The following RAB40B variants were observed in gnomAD, a reference collection of about 807,000 sequenced individuals.
The protein encoded by RAB40B is RAB40B, member RAS oncogene family.
RAB40B carries 21 observed loss-of-function variants against 24.0 expected under a neutral mutation model. The observed-to-expected ratio is 0.88, with a 90% CI of 0.62 to 1.26. RAB40B has a LOEUF of 1.26. RAB40B is among the 50% of genes most tolerant of loss of function. RAB40B has a pLI of 0.00. For missense variants in RAB40B, 348 were observed against 390.5 expected (o/e 0.89, Z 0.92); for synonymous variants, 167 against 169.8 (o/e 0.98, Z 0.13).
chr17:82,664,374 G>A (rs537644764), intron 2 of RAB40B, 122 bp downstream of exon 2: 7 of 914,674 alleles, frequency 7.7e-6, no homozygotes, highest in South Asian at 1.5e-5. Flanking sequence ...TCCCGGGGGC[G>A]CTGTGCCGAT....
chr17:82,685,324 C>G (rs1342067054), intron 1 of RAB40B, among the ~76,000 whole-genome samples: 1 of 151,232 alleles, frequency 6.6e-6, no homozygotes, highest in Non-Finnish European at 1.5e-5. Flanking sequence ...AAAGAGACAG[C>G]ACACGCAGTG....
At position 82,692,726 on chromosome 17, in the gene RAB40B, C is replaced by A. The variant is rs184535770; in HGVS notation, c.142+5729G>T. On this transcript the variant is annotated intron_variant, in intron 1 of 5. Transcript: ENST00000571995. This position sits in a 1 kb window ranked among gnomAD's most constrained non-coding sequence, Gnocchi z 4.0. ...AACATTTTTTTTTTAAATCTGGGAG[C>A]AGCAAAGGTTTGTTCAACAGGACCC... Among the ~76,000 whole-genome samples, 6 of 152,156 alleles carry A rather than the reference C, an allele frequency of 3.9e-5. No individual in the cohort carries two copies. The highest frequency in any genetic ancestry group is 1.4e-4 in the African/African-American group (6 of 41,470).
rs138780192 is a variant in RAB40B, at chr17:82,696,113, G to GC, written c.142+2341dup. On this transcript the variant is annotated intron_variant, in intron 1 of 5. Transcript: ENST00000571995. Reference sequence around the variant, plus strand: ...TCGAACCCCTGACCTCAGGTGATCCGCCCGCCTTGGCCTCCCAAAGCCGGG... The same window carrying GC: ...TCGAACCCCTGACCTCAGGTGATCCGCCCCGCCTTGGCCTCCCAAAGCCGGG... Among the ~76,000 whole-genome samples, 316 of 152,152 alleles carry GC rather than the reference G, an allele frequency of 2.1e-3. 2 individuals carry two copies. The highest frequency in any genetic ancestry group is 7.2e-3 in the African/African-American group (299 of 41,516).
intron 4 of RAB40B, 87 bp downstream of exon 4, chr17:82,659,493 G>T: frequency 7.4e-7 from 1 of 1,353,410 alleles, no homozygotes; most frequent in South Asian, 1.2e-5. Context: ...GGGTACCCAT[G>T]AGCCCTGGAG....
chr17:82,687,270 A>G (rs1049513504), intron 1 of RAB40B, among the ~76,000 whole-genome samples: 1 of 152,198 alleles, frequency 6.6e-6, no homozygotes, highest in African/African-American at 2.4e-5. Flanking sequence ...AAAATTTCAT[A>G]CTCTTCATAC....
In RAB40B at chr17:82,663,308, G is replaced by A. The variant is rs1378196422; in HGVS notation, c.203+1188C>T. On this transcript the variant is annotated intron_variant, in intron 2 of 5. Transcript: ENST00000571995. This position sits in a 1 kb window ranked among gnomAD's most constrained non-coding sequence, Gnocchi z 6.2. The stretch of plus-strand genomic sequence containing the variant: ...TGCTGGAGGCACACGTGGCTCGGGG[G>A]TGGCCCAGCAGGCAGGAAGGGCCAG... Among the ~76,000 whole-genome samples, 1 of 152,120 alleles carries A rather than the reference G, an allele frequency of 6.6e-6. No homozygotes were observed. Among genetic ancestry groups the A allele is most frequent in the Non-Finnish European group, 1.5e-5 (1 of 67,982 alleles).
At chr17:82,662,870 C>G in intron 2 of RAB40B, 1 of 957,950 alleles carries the variant, frequency 1.0e-6, no homozygotes, top group Non-Finnish European at 1.2e-6. Flanking sequence ...CGCGCCAGCC[C>G]TGATGCAAGC....
At chr17:82,669,470 T>C (rs7208066) in intron 1 of RAB40B, among the ~76,000 whole-genome samples, 30,743 of 151,490 alleles carry the variant, frequency 0.2, 3,312 homozygotes, top group African/African-American at 0.25. Context: ...AGCGAAACTC[T>C]GTCTCAAAAA....
chr17:82,676,357 C>T (rs2046394368), intron 1 of RAB40B, among the ~76,000 whole-genome samples: 1 of 149,798 alleles, frequency 6.7e-6, no homozygotes, highest in Non-Finnish European at 1.5e-5. Context: ...CCCCTCACCC[C>T]ACACAGTGAG....
Position 82,657,516 on chromosome 17 carries a change from T to C in RAB40B, c.*347A>G, listed in dbSNP as rs2046097570. 1 of 386,902 alleles carries C rather than the reference T, an allele frequency of 2.6e-6. No homozygotes were observed. The highest frequency in any genetic ancestry group is 3.7e-5 in the Admixed American group (1 of 27,118). 24.0% of individuals were successfully genotyped at this position (386,902 alleles called of 1,614,324 possible). ...TGCTTCTCAAATTCCATTGAATTTA[T>C]ACTAATCACTCCAATATCACCGTTC... On this transcript the variant is annotated 3_prime_UTR_variant, in exon 6 of 6. Coordinates refer to ENST00000571995, the MANE Select transcript of RAB40B (RefSeq NM_006822.3).
At chr17:82,668,334 T>C (rs7221877) in intron 1 of RAB40B, 154,541 of 154,638 alleles carry the variant, frequency 1, 77,222 homozygotes, top group Middle Eastern at 1. Context: ...CCTTCCAGTC[T>C]GCAGGACTGG....
chr17:82,672,218 G>C, intron 1 of RAB40B, among the ~76,000 whole-genome samples: 2 of 140,504 alleles, frequency 1.4e-5, no homozygotes, highest in African/African-American at 2.7e-5. Flanking sequence ...CCCCACCCCT[G>C]TAACTCTAAC....
chr17:82,686,396 G>A (rs550938348), intron 1 of RAB40B, among the ~76,000 whole-genome samples: 5 of 152,370 alleles, frequency 3.3e-5, no homozygotes, highest in African/African-American at 1.2e-4. Flanking sequence ...ATAGGCATGA[G>A]CCACCGCGCC....
At chr17:82,682,031 G>A (rs2046453140) in intron 1 of RAB40B, among the ~76,000 whole-genome samples, 1 of 151,804 alleles carries the variant, frequency 6.6e-6, no homozygotes, top group South Asian at 2.1e-4. Context: ...GTTATAACCA[G>A]GGCAATAAGG....
intron 1 of RAB40B, 143 bp from the exon 2 acceptor site, chr17:82,664,699 C>G (rs935102776): frequency 4.5e-5 from 34 of 756,624 alleles, no homozygotes; most frequent in Non-Finnish European, 7.1e-5. Flanking sequence ...CTCCCTGTGT[C>G]TGCCCAAGCT....
rs1477019938 is a variant in RAB40B at position 82,697,147 on chromosome 17, G to C, written c.142+1308C>G. On this transcript the variant is annotated intron_variant, in intron 1 of 5. Coordinates refer to ENST00000571995, the MANE Select transcript of RAB40B (RefSeq NM_006822.3). The surrounding 1 kb of genome is among the most constrained non-coding windows in gnomAD (Gnocchi z 4.9). The stretch of plus-strand genomic sequence containing the variant: ...TCGTGAGCCCAAGCCCATCTCAGCT[G>C]CTCCCCCAAACTCTGCCCATTCCTC... Among the ~76,000 whole-genome samples the C allele has an allele frequency of 6.6e-6, 1 of 152,090 alleles. No homozygotes were observed. The highest frequency in any genetic ancestry group is 2.4e-5 in the African/African-American group (1 of 41,414).
chr17:82,685,799 T>C lies in RAB40B; in HGVS notation c.142+12656A>G, dbSNP rs575753890. Among the ~76,000 whole-genome samples the C allele has an allele frequency of 6.9e-5, 9 of 130,286 alleles. No individual in the cohort carries two copies. The South Asian group carries it at 1.3e-3, about 18-fold the overall frequency. 85.5% of individuals were successfully genotyped at this position (130,286 alleles called of 152,430 possible). On this transcript the variant is annotated intron_variant, in intron 1 of 5. Coordinates refer to ENST00000571995, the MANE Select transcript of RAB40B (RefSeq NM_006822.3). ...CTGATTCGGAAACAGGATCTCTTCTTCTTCTTCTTTTTTTTTTTTTTTGAG... is the reference window on the plus strand; with the variant it reads ...CTGATTCGGAAACAGGATCTCTTCTCCTTCTTCTTTTTTTTTTTTTTTGAG...
intron 1 of RAB40B, chr17:82,696,815 G>C (rs1179978305): frequency 6.2e-6 from 1 of 161,034 alleles, no homozygotes; most frequent in African/African-American, 2.4e-5. Context: ...CCAGGGCAGC[G>C]CTGGCCCTCG....
At position 82,657,861 on chromosome 17, in the gene RAB40B, C is replaced by T; in HGVS notation, c.*2G>A. On this transcript the variant is annotated 3_prime_UTR_variant, in exon 6 of 6. Transcript: ENST00000571995. ...TCCGCCGTGTTTCTTTCAGTGCCTT[C>T]CTTAAGAAATTTTGCAGCTGTTTCT... 2.5e-6 allele frequency: 4 copies of T among 1,607,240 alleles called. No homozygotes were observed. The highest frequency in any genetic ancestry group is 3.4e-6 in the Non-Finnish European group (4 of 1,178,246).
Sources: gnomAD v4.1 joint callset for allele counts (sites outside exome capture counted in the v4.1 genomes callset) on GRCh38, gnomAD v4.1.1 for gene constraint, Gnocchi (gnomAD v3.1) non-coding constraint, MANE v1.5 for transcripts, NCBI Gene and HGNC (gene_info 2026-07-23, HGNC 2026-07-21) for gene names.